Variants in KISS1R observed in about 807,000 individuals in gnomAD.
KISS1R encodes kiSS-1 receptor.
In KISS1R, 19 loss-of-function variants were observed where a neutral mutation model predicts 22.0. The ratio of observed to expected loss-of-function variants is 0.86; its 90% CI spans 0.60 to 1.26. The LOEUF (loss-of-function observed/expected upper bound fraction) is 1.26. Ranked by LOEUF, KISS1R falls within the 50% of genes most tolerant of loss-of-function variation. KISS1R has a pLI of 0.00. For synonymous variants in KISS1R, 302 were observed against 283.9 expected, an observed-to-expected ratio of 1.06 and a Z score of -0.64; for missense variants, 653 against 581.9, an observed-to-expected ratio of 1.12 and a Z score of -1.26.
chr19:920,557 C>A lies in KISS1R; in HGVS notation c.1006C>A (p.Arg336Ser). The change falls in exon 5 of 5, where the codon CGC becomes AGC. Residue 336 changes from arginine to serine, a missense_variant. Physicochemically the swap from Arg to Ser is moderately radical, Grantham distance 110 (BLOSUM62 -1). Transcript: ENST00000234371. Reference sequence around the variant, plus strand: ...CTCGCACTTCCGACAGGCCTTCCGCCGCGTCTGCCCCTGCGCGCCGCGCCG... The same window carrying A: ...CTCGCACTTCCGACAGGCCTTCCGCAGCGTCTGCCCCTGCGCGCCGCGCCG... ...LGSHFRQAFRRVCPCAPRRPR... is the reference protein window; with the variant it reads ...LGSHFRQAFRSVCPCAPRRPR... The A allele has an allele frequency of 1.3e-6, 2 of 1,572,554 alleles. No individual in the cohort carries two copies. The highest frequency in any genetic ancestry group is 1.7e-6 in the Non-Finnish European group (2 of 1,164,628).
Position 920,116 on chromosome 19 carries a change from G to C in KISS1R, c.738+10G>C. 1 of 1,492,052 alleles carries C rather than the reference G, an allele frequency of 6.7e-7. No homozygotes were observed. Among genetic ancestry groups the C allele is most frequent in the Non-Finnish European group, 8.9e-7 (1 of 1,129,670 alleles). The allele number at this position is 1,492,052 out of a possible 1,614,324, so 92.4% of individuals were successfully genotyped here. A position where few individuals can be genotyped will look rare whatever the true frequency, so the allele number is the denominator to read the frequency against. On this transcript the variant is annotated intron_variant, in intron 4 of 4. Transcript: ENST00000234371. ...CGATAGCGCCCTGCAGGTGCGCGGC[G>C]TGGGTGGGAGGACAGCAAGGCTGGG...
chr19:919,681 G>A, intron 3 of KISS1R, 56 bp downstream of exon 3: 1 of 1,536,902 alleles, frequency 6.5e-7, no homozygotes, highest in East Asian at 2.4e-5. Context: ...AGTGCCCTGG[G>A]CGCCCGGAGC....
At chr19:919,372 G>A in intron 2 of KISS1R, 118 bp from the exon 3 acceptor site, 1 of 1,413,786 alleles carries the variant, frequency 7.1e-7, no homozygotes, top group Non-Finnish European at 9.6e-7. Flanking sequence ...CTCCTCCCAG[G>A]ACACTTCCCG....
At chr19:918,484 G>C in intron 1 of KISS1R, 60 bp from the exon 2 acceptor site, 1 of 1,529,320 alleles carries the variant, frequency 6.5e-7, no homozygotes, top group Non-Finnish European at 8.8e-7. Context: ...GGCCAGGAGC[G>C]CTGGGCGGTT....
intron 1 of KISS1R, 64 bp from the exon 2 acceptor site, chr19:918,480 G>A (rs2037079124): frequency 6.5e-7 from 1 of 1,528,370 alleles, no homozygotes; most frequent in Admixed American, 2.0e-5. Context: ...TCAGGGCCAG[G>A]AGCGCTGGGC....
chr19:919,223 C>T lies in KISS1R; in HGVS notation c.370-267C>T, dbSNP rs117477251. On this transcript the variant is annotated intron_variant, in intron 2 of 4. Transcript: ENST00000234371. ...GAGGCCCTGAGGCTTCTTGCCCCGC[C>T]TGTCCCTCCATCCCACGCAGCCCCC... Among the ~76,000 whole-genome samples the T allele has an allele frequency of 2.9e-3, 441 of 152,138 alleles. 8 individuals are homozygous for T. The East Asian group carries it at 0.057, about 20-fold the overall frequency.
rs2037096664 is a variant in KISS1R, at chr19:919,632, A to G, written c.505+7A>G. On this transcript the variant is annotated splice_region_variant and intron_variant, in intron 3 of 4. Transcript: ENST00000234371. Reference sequence around the variant, plus strand: ...AGCCTCAGCATCTGGGTAGGTGAGTACAGCTCAGGGGCCTCACGGGAGAAG... The same window carrying G: ...AGCCTCAGCATCTGGGTAGGTGAGTGCAGCTCAGGGGCCTCACGGGAGAAG... The G allele has an allele frequency of 6.5e-7, 1 of 1,548,266 alleles. No homozygotes were observed. Among genetic ancestry groups the G allele is most frequent in the Non-Finnish European group, 8.7e-7 (1 of 1,150,946 alleles).
At position 917,388 on chromosome 19, in the gene KISS1R, A is replaced by T. The variant is rs1456216824; in HGVS notation, c.-115A>T. The T allele has an allele frequency of 1.6e-6, 2 of 1,241,218 alleles. No individual in the cohort carries two copies. The highest frequency in any genetic ancestry group is 1.9e-5 in the South Asian group (1 of 52,648). The allele number at this position is 1,241,218 out of a possible 1,614,324, so 76.9% of individuals were successfully genotyped here. A position where few individuals can be genotyped will look rare whatever the true frequency, so the allele number is the denominator to read the frequency against. On this transcript the variant is annotated 5_prime_UTR_variant, in exon 1 of 5. Transcript: ENST00000234371. ...CTCTGGACCCTGCGGACCCCAGCCG[A>T]GCCCCTTCCTGAGTTCCACAGGCGC...
Position 920,281 on chromosome 19 carries a change from C to A in KISS1R, c.739-9C>A, listed in dbSNP as rs1192975485. 1.0e-5 allele frequency: 16 copies of A among 1,558,788 alleles called. No homozygotes were observed. Among genetic ancestry groups the A allele is most frequent in the African/African-American group, 5.5e-5 (4 of 73,058 alleles). ...CTTTCGTCTAACCACCTTCACGGCA[C>A]CCCCCCAGGGGCAGGTGCTGGCAGA... On this transcript the variant is annotated splice_polypyrimidine_tract_variant and intron_variant, in intron 4 of 4. Coordinates refer to ENST00000234371, the MANE Select transcript of KISS1R (RefSeq NM_032551.5).
chr19:920,225 T>A (rs2037104934), intron 4 of KISS1R, 65 bp from the exon 5 acceptor site: 1 of 1,530,228 alleles, frequency 6.5e-7, no homozygotes, highest in Non-Finnish European at 8.7e-7. Context: ...GGAGGGGCGG[T>A]GCGAGGGGAT....
rs775247828 is a variant in KISS1R at position 920,739 on chromosome 19, C to T, written c.1188C>T (p.Ala396=). Residue 396 remains alanine (A), a synonymous_variant, in exon 5 of 5, where the codon GCC becomes GCT. Coordinates refer to ENST00000234371, the MANE Select transcript of KISS1R (RefSeq NM_032551.5). ...TGTGCGTCCTGGGGGAGGACAACGC[C>T]CCTCTCTGAGCGGACCCGGTGGGAA... is the stretch of plus-strand genomic sequence containing the variant. The part of the protein sequence containing the change: ...RGLCVLGEDN[A]PL 2.3e-6 allele frequency: 3 copies of T among 1,291,274 alleles called. No individual in the cohort carries two copies. The South Asian group carries it at 8.8e-5, about 38-fold the overall frequency. 80.0% of individuals were successfully genotyped at this position (1,291,274 alleles called of 1,614,324 possible).
rs1394043851 is a variant in KISS1R, at chr19:917,454, C to A, written c.-49C>A. ...GGGCGGAGGGGTCCCCGGGGCGGTG[C>A]CAGGGCGCAATCCTGGAGGGCGGCC... On this transcript the variant is annotated 5_prime_UTR_variant, in exon 1 of 5. Coordinates refer to ENST00000234371, the MANE Select transcript of KISS1R (RefSeq NM_032551.5). 1.4e-6 allele frequency: 2 copies of A among 1,396,486 alleles called. No individual in the cohort carries two copies. Among genetic ancestry groups the A allele is most frequent in the Non-Finnish European group, 1.8e-6 (2 of 1,082,626 alleles). 86.5% of individuals were successfully genotyped at this position (1,396,486 alleles called of 1,614,324 possible). A position where few individuals can be genotyped will look rare whatever the true frequency, so the allele number is the denominator to read the frequency against.
intron 2 of KISS1R, among the ~76,000 whole-genome samples, chr19:918,996 G>C (rs2037087858): frequency 6.8e-6 from 1 of 146,220 alleles, no homozygotes; most frequent in Non-Finnish European, 1.5e-5. Flanking sequence ...GGGGGCGGGC[G>C]CATGTGGGGA....
chr19:918,914 C>A lies in KISS1R; in HGVS notation c.369+246C>A, dbSNP rs1446637122. 9.0e-5 allele frequency among the ~76,000 whole-genome samples: 5 copies of A among 55,592 alleles called. No individual in the cohort carries two copies. The East Asian group carries it at 2.0e-3, about 22-fold the overall frequency. The allele number at this position is 55,592 out of a possible 152,430, so 36.5% of individuals were successfully genotyped here. ...GGAGGGGGCGCATGGTGGGGCGGGG[C>A]AGGGGTGCACTCTGGAGCAGGAGGG... On this transcript the variant is annotated intron_variant, in intron 2 of 4. Transcript: ENST00000234371.
At chr19:918,058 G>A (rs1482304925) in intron 1 of KISS1R, among the ~76,000 whole-genome samples, 1 of 152,214 alleles carries the variant, frequency 6.6e-6, no homozygotes, top group East Asian at 1.9e-4. Flanking sequence ...TGAACAAAGG[G>A]CTGGGGGAGG....
At position 920,908 on chromosome 19, in the gene KISS1R, A is replaced by G. The variant is rs909306847; in HGVS notation, c.*160A>G. The stretch of plus-strand genomic sequence containing the variant: ...GTGCAGTTTCGTTGTGAAGTTTGCT[A>G]TTGATATTGAAATTATGACTTCTGT... On this transcript the variant is annotated 3_prime_UTR_variant, in exon 5 of 5. Transcript: ENST00000234371. The G allele has an allele frequency of 7.6e-6, 6 of 787,030 alleles. No individual in the cohort carries two copies. Among genetic ancestry groups the G allele is most frequent in the Non-Finnish European group, 1.0e-5 (6 of 584,846 alleles). 48.8% of individuals were successfully genotyped at this position (787,030 alleles called of 1,614,324 possible). A position where few individuals can be genotyped will look rare whatever the true frequency, so the allele number is the denominator to read the frequency against.
Position 920,560 on chromosome 19 carries a change from G to A in KISS1R, c.1009G>A (p.Val337Ile). The A allele has an allele frequency of 6.4e-7, 1 of 1,566,874 alleles. No homozygotes were observed. Among genetic ancestry groups the A allele is most frequent in the Non-Finnish European group, 8.6e-7 (1 of 1,162,118 alleles). The part of the protein sequence containing the change: ...GSHFRQAFRR[V>I]CPCAPRRPRR... ...GCACTTCCGACAGGCCTTCCGCCGC[G>A]TCTGCCCCTGCGCGCCGCGCCGCCC... The change falls in exon 5 of 5, where the codon GTC (valine) becomes ATC (isoleucine). Residue 337 changes from valine to isoleucine, a missense_variant. By Grantham distance (29) the Val-to-Ile change is conservative. Coordinates refer to ENST00000234371, the MANE Select transcript of KISS1R (RefSeq NM_032551.5).
Position 919,999 on chromosome 19 carries a change from G to C in KISS1R, c.631G>C (p.Ala211Pro). The C allele has an allele frequency of 4.5e-6, 7 of 1,555,364 alleles. No individual in the cohort carries two copies. The highest frequency in any genetic ancestry group is 5.2e-6 in the Non-Finnish European group (6 of 1,152,772). The change falls in exon 4 of 5, where the codon GCG (alanine) becomes CCG (proline). Residue 211 changes from alanine (A) to proline (P), a missense_variant. By Grantham distance (27) the Ala-to-Pro change is conservative. Transcript: ENST00000234371. ...CGCCTTCGCACTGTACAACCTGCTG[G>C]CGCTGTACCTGCTGCCGCTGCTCGC... The part of the protein sequence containing the change: ...ERAFALYNLL[A>P]LYLLPLLATC...
chr19:918,399 G>A (rs2037077378), intron 1 of KISS1R, 145 bp from the exon 2 acceptor site: 1 of 920,582 alleles, frequency 1.1e-6, no homozygotes, highest in Non-Finnish European at 1.5e-6. Flanking sequence ...AGGAGGCCAG[G>A]GGCGCTGGGG....
Sources: gnomAD v4.1 joint callset for allele counts (sites outside exome capture counted in the v4.1 genomes callset) on GRCh38, gnomAD v4.1.1 for gene constraint, MANE v1.5 for transcripts, NCBI Gene and HGNC (gene_info 2026-07-23, HGNC 2026-07-21) for gene names.